The following MGMT variants were observed in gnomAD, a reference collection of about 807,000 sequenced individuals.
The protein encoded by MGMT is O-6-methylguanine-DNA methyltransferase.
MGMT carries 14 observed loss-of-function variants against 15.9 expected under a neutral mutation model. The observed-to-expected ratio is 0.88, with a 90% confidence interval of 0.58 to 1.37. The LOEUF is 1.37. Among genes scored for constraint, MGMT ranks in the 40% most tolerant of loss-of-function variants. The pLI is 0.00. For synonymous variants in MGMT, 130 were observed against 118.2 expected, an observed-to-expected ratio of 1.10 and a Z score of -0.65; for missense variants, 282 against 268.1, an observed-to-expected ratio of 1.05 and a Z score of -0.36.
At chr10:129,652,045 C>T (rs1270947925) in intron 2 of MGMT, among the ~76,000 whole-genome samples, 2 of 152,132 alleles carry the variant, frequency 1.3e-5, no homozygotes, top group African/African-American at 4.8e-5. Context: ...AGGAAAGGTT[C>T]CGGGAAAGCT....
intron 2 of MGMT, among the ~76,000 whole-genome samples, chr10:129,705,902 C>T (rs1848154856): frequency 6.6e-6 from 1 of 152,158 alleles, no homozygotes. Context: ...AGGGCAACAG[C>T]CCCATCCACA....
intron 2 of MGMT, among the ~76,000 whole-genome samples, chr10:129,629,482 C>T (rs1039599861): frequency 2.6e-5 from 4 of 152,156 alleles, no homozygotes; most frequent in African/African-American, 9.7e-5. Context: ...AATTTTCCCT[C>T]AAGCTTTATT....
At chr10:129,716,755 CTG>C (rs1848303380) in intron 3 of MGMT, among the ~76,000 whole-genome samples, 1 of 152,190 alleles carries the variant, frequency 6.6e-6, no homozygotes, top group African/African-American at 2.4e-5. Context: ...GCTGTAGAAA[CTG>C]TACCTATTTA....
intron 1 of MGMT, among the ~76,000 whole-genome samples, chr10:129,518,974 C>CTT (rs10651712): frequency 0.25 from 37,691 of 151,880 alleles, 5,600 homozygotes; most frequent in African/African-American, 0.42. Context: ...TGTCCTGACT[C>CTT]TTGGGCCTGG....
chr10:129,519,617 G>C (rs191125496), intron 1 of MGMT, among the ~76,000 whole-genome samples: 15 of 152,216 alleles, frequency 9.9e-5, no homozygotes, highest in Admixed American at 2.0e-4. Context: ...CCGCTGGAAC[G>C]TGTCTGGAAC....
intron 2 of MGMT, among the ~76,000 whole-genome samples, chr10:129,571,214 T>G (rs930093149): frequency 6.6e-6 from 1 of 152,192 alleles, no homozygotes; most frequent in Non-Finnish European, 1.5e-5. Context: ...GAATGACATA[T>G]TCTTTACACA....
At chr10:129,624,131 T>C (rs1408852415) in intron 2 of MGMT, among the ~76,000 whole-genome samples, 1 of 152,260 alleles carries the variant, frequency 6.6e-6, no homozygotes, top group Admixed American at 6.5e-5. Flanking sequence ...TTCCTTTTCC[T>C]TTTATCCAGG....
At chr10:129,613,725 C>T (rs1013010365) in intron 2 of MGMT, among the ~76,000 whole-genome samples, 7 of 152,186 alleles carry the variant, frequency 4.6e-5, no homozygotes, top group African/African-American at 9.6e-5. Flanking sequence ...AGGCTGGTGG[C>T]GCAGGCTGAT....
chr10:129,479,089 A>G (rs1845327710), intron 1 of MGMT, among the ~76,000 whole-genome samples: 1 of 152,242 alleles, frequency 6.6e-6, no homozygotes, highest in Non-Finnish European at 1.5e-5. Flanking sequence ...GTATCAGTTT[A>G]TTACCCAGAA....
intron 1 of MGMT, among the ~76,000 whole-genome samples, chr10:129,521,572 A>G (rs1162740692): frequency 6.6e-6 from 1 of 152,202 alleles, no homozygotes; most frequent in Non-Finnish European, 1.5e-5. Flanking sequence ...AGCTGCTGAG[A>G]GACCCACCTC....
At chr10:129,721,536 A>G (rs919841773) in intron 3 of MGMT, among the ~76,000 whole-genome samples, 5 of 152,258 alleles carry the variant, frequency 3.3e-5, no homozygotes, top group Non-Finnish European at 5.9e-5. Flanking sequence ...TATTTAAAAG[A>G]TGATTAACTG....
intron 2 of MGMT, among the ~76,000 whole-genome samples, chr10:129,646,924 C>T (rs1046556312): frequency 2.0e-5 from 3 of 151,282 alleles, no homozygotes; most frequent in Admixed American, 6.6e-5. Flanking sequence ...GCCGCCCCTC[C>T]GTCCTCTTTC....
At chr10:129,715,510 T>G (rs1420015568) in intron 3 of MGMT, 1 of 152,248 alleles carries the variant, frequency 6.6e-6, no homozygotes, top group Non-Finnish European at 1.5e-5. Context: ...AATTTCTATT[T>G]CCACTGTAGT....
At chr10:129,513,397 C>A (rs1845705286) in intron 1 of MGMT, among the ~76,000 whole-genome samples, 1 of 152,134 alleles carries the variant, frequency 6.6e-6, no homozygotes, top group African/African-American at 2.4e-5. Flanking sequence ...TGCATTTTGC[C>A]ACAATAAAAA....
chr10:129,735,658 G>A (rs1320283895), intron 3 of MGMT, among the ~76,000 whole-genome samples: 3 of 120,120 alleles, frequency 2.5e-5, no homozygotes, highest in South Asian at 3.4e-4. Context: ...ATGTTAGGGT[G>A]TCAATTTTGG....
intron 2 of MGMT, among the ~76,000 whole-genome samples, chr10:129,654,663 A>C (rs1847503274): frequency 1.3e-5 from 2 of 151,916 alleles, no homozygotes; most frequent in South Asian, 4.2e-4. Context: ...CCCTGGAGAG[A>C]CAGGAGGAGG....
At chr10:129,656,595 T>C (rs1336725058) in intron 2 of MGMT, among the ~76,000 whole-genome samples, 4 of 152,158 alleles carry the variant, frequency 2.6e-5, no homozygotes, top group African/African-American at 9.7e-5. Flanking sequence ...CTTGGTTTTA[T>C]AGATTTTAGA....
Position 129,730,036 on chromosome 10 carries a change from G to A in MGMT, c.274+21993G>A, listed in dbSNP as rs1331687126. Among the ~76,000 whole-genome samples the A allele has an allele frequency of 2.6e-5, 4 of 152,204 alleles. No individual in the cohort carries two copies. The South Asian group carries it at 6.2e-4, about 24-fold the overall frequency. On this transcript the variant is annotated intron_variant, in intron 3 of 4. Transcript: ENST00000651593. Reference sequence around the variant, plus strand: ...GCAGCTTATTTTTAGCCTTGTAGAAGCAGCGTGAAGTGTCTACTGGTAAAG... The same window carrying A: ...GCAGCTTATTTTTAGCCTTGTAGAAACAGCGTGAAGTGTCTACTGGTAAAG...
chr10:129,600,536 TAAGA>T (rs1203245256), intron 2 of MGMT, among the ~76,000 whole-genome samples: 4 of 152,244 alleles, frequency 2.6e-5, no homozygotes, highest in Admixed American at 1.3e-4. Context: ...AGCCATTTCT[TAAGA>T]GAGGGAGGTT....
Sources: gnomAD v4.1 joint callset for allele counts (sites outside exome capture counted in the v4.1 genomes callset) on GRCh38, gnomAD v4.1.1 for gene constraint, MANE v1.5 for transcripts, NCBI Gene and HGNC (gene_info 2026-07-23, HGNC 2026-07-21) for gene names.